EPHA6: variants seen among roughly 807,000 people sequenced by gnomAD.
The protein encoded by EPHA6 is EPH receptor A6, also known as ephrin type-A receptor 6.
EPHA6 carries 50 observed loss-of-function variants against 112.0 expected under a neutral mutation model. The observed-to-expected ratio is 0.45, with a 90% CI of 0.36 to 0.56. The LOEUF is 0.56. Ranked by LOEUF, EPHA6 falls within the 20% of genes least tolerant of loss-of-function variation. EPHA6 has a pLI of 0.00. For synonymous variants in EPHA6, 529 were observed against 490.7 expected, an observed-to-expected ratio of 1.08 and a Z score of -1.03; for missense variants, 1,280 against 1,417.4, an observed-to-expected ratio of 0.90 and a Z score of 1.56.
At chr3:97,102,268 T>C (rs1180366920) in intron 3 of EPHA6, among the ~76,000 whole-genome samples, 1 of 152,082 alleles carries the variant, frequency 6.6e-6, no homozygotes, top group Non-Finnish European at 1.5e-5. Context: ...TTGGATTCTC[T>C]ATCCCAGACT....
At chr3:97,526,239 G>A (rs987311996) in intron 10 of EPHA6, among the ~76,000 whole-genome samples, 9 of 152,194 alleles carry the variant, frequency 5.9e-5, no homozygotes, top group African/African-American at 1.9e-4. Context: ...TGCCCAAGCA[G>A]GCCAAGCTTC....
intron 2 of EPHA6, among the ~76,000 whole-genome samples, chr3:96,905,086 A>G (rs1398381481): frequency 1.3e-5 from 2 of 150,728 alleles, no homozygotes; most frequent in African/African-American, 4.8e-5. Flanking sequence ...TACATGTGAC[A>G]TGTGTTTTAA....
intron 14 of EPHA6, among the ~76,000 whole-genome samples, chr3:97,686,521 A>G (rs189419228): frequency 3.3e-5 from 5 of 152,226 alleles, no homozygotes; most frequent in Admixed American, 1.3e-4. Flanking sequence ...TGAAATTCAA[A>G]CTCTACATAT....
intron 2 of EPHA6, among the ~76,000 whole-genome samples, chr3:96,946,122 TTA>T (rs1429860446): frequency 6.6e-6 from 1 of 152,124 alleles, no homozygotes; most frequent in East Asian, 1.9e-4. Flanking sequence ...TTTCATTTAG[TTA>T]TATGATTTTA....
chr3:97,649,438 T>C (rs1251823665), intron 14 of EPHA6, among the ~76,000 whole-genome samples: 2 of 151,738 alleles, frequency 1.3e-5, no homozygotes, highest in Admixed American at 1.3e-4. Flanking sequence ...TCTACTAACA[T>C]AGAAAAAGCT....
chr3:96,983,704 T>A (rs1018068284), intron 2 of EPHA6, among the ~76,000 whole-genome samples: 1 of 152,176 alleles, frequency 6.6e-6, no homozygotes, highest in African/African-American at 2.4e-5. Flanking sequence ...CAGATGTAGA[T>A]TTTGTCTTTT....
chr3:96,911,693 T>C (rs917421729), intron 2 of EPHA6, among the ~76,000 whole-genome samples: 1 of 152,104 alleles, frequency 6.6e-6, no homozygotes, highest in African/African-American at 2.4e-5. Flanking sequence ...TTTAATACAA[T>C]GGAATATTTT....
intron 14 of EPHA6, among the ~76,000 whole-genome samples, chr3:97,705,176 A>C (rs995424133): frequency 6.6e-6 from 1 of 150,570 alleles, no homozygotes; most frequent in Non-Finnish European, 1.5e-5. Flanking sequence ...CCTTTATCTC[A>C]CCTCTTTTCT....
intron 11 of EPHA6, among the ~76,000 whole-genome samples, chr3:97,534,671 T>TA (rs2092739268): frequency 6.6e-6 from 1 of 152,056 alleles, no homozygotes; most frequent in Non-Finnish European, 1.5e-5. Flanking sequence ...TAACACCTGG[T>TA]AAAGATTATG....
At chr3:97,654,325 A>T (rs542039093) in intron 14 of EPHA6, among the ~76,000 whole-genome samples, 2 of 151,904 alleles carry the variant, frequency 1.3e-5, no homozygotes, top group African/African-American at 2.4e-5. Flanking sequence ...ATGCTATTGG[A>T]TAAGTAATTA....
chr3:97,264,191 A>AGCCT (rs2079596622), intron 5 of EPHA6, among the ~76,000 whole-genome samples: 2 of 152,232 alleles, frequency 1.3e-5, no homozygotes, highest in Admixed American at 6.5e-5. Context: ...CAGGCCCACT[A>AGCCT]GGCTCATTCC....
intron 5 of EPHA6, among the ~76,000 whole-genome samples, chr3:97,403,659 G>T (rs1392516769): frequency 1.3e-5 from 2 of 152,174 alleles, no homozygotes; most frequent in East Asian, 3.9e-4. Flanking sequence ...TGTTAGCCAG[G>T]ATGGTCTAGA....
intron 13 of EPHA6, among the ~76,000 whole-genome samples, chr3:97,634,186 A>G (rs1264054519): frequency 2.0e-5 from 3 of 152,098 alleles, no homozygotes; most frequent in African/African-American, 7.2e-5. Flanking sequence ...ACCATCTACA[A>G]GATGAAGATA....
intron 3 of EPHA6, among the ~76,000 whole-genome samples, chr3:97,081,194 A>G (rs1006173557): frequency 6.6e-6 from 1 of 151,974 alleles, no homozygotes; most frequent in Non-Finnish European, 1.5e-5. Flanking sequence ...ATGCAGAATT[A>G]ACAGGTCTAT....
intron 3 of EPHA6, among the ~76,000 whole-genome samples, chr3:97,150,340 T>C (rs767484904): frequency 1.3e-5 from 2 of 152,106 alleles, no homozygotes; most frequent in African/African-American, 4.8e-5. Context: ...AAGACGTTTG[T>C]ATAGCTAACA....
chr3:97,486,917 T>C (rs1192159516), intron 10 of EPHA6, among the ~76,000 whole-genome samples: 1 of 152,206 alleles, frequency 6.6e-6, no homozygotes, highest in Non-Finnish European at 1.5e-5. Context: ...TTTTCTTACA[T>C]TGTTTTGTAT....
intron 5 of EPHA6, among the ~76,000 whole-genome samples, chr3:97,268,787 T>G (rs528580180): frequency 6.6e-6 from 1 of 152,298 alleles, no homozygotes; most frequent in East Asian, 1.9e-4. Context: ...GAGAAGATAT[T>G]TAATATGTTC....
chr3:96,975,933 A>G (rs2042504955), intron 2 of EPHA6, among the ~76,000 whole-genome samples: 5 of 152,156 alleles, frequency 3.3e-5, no homozygotes, highest in Admixed American at 2.6e-4. Flanking sequence ...TAAGTTCTAC[A>G]TAAAATTTTT....
At chr3:97,650,494 A>C (rs553867541) in intron 14 of EPHA6, among the ~76,000 whole-genome samples, 1 of 152,200 alleles carries the variant, frequency 6.6e-6, no homozygotes, top group African/African-American at 2.4e-5. Flanking sequence ...AAAGATTTTA[A>C]GATTATCATA....
Sources: gnomAD v4.1 joint callset for allele counts (sites outside exome capture counted in the v4.1 genomes callset) on GRCh38, gnomAD v4.1.1 for gene constraint, MANE v1.5 for transcripts, NCBI Gene and HGNC (gene_info 2026-07-23, HGNC 2026-07-21) for gene names.